Variants in UBE2G2 observed in about 807,000 individuals in gnomAD.
UBE2G2 encodes ubiquitin conjugating enzyme E2 G2.
A neutral mutation model predicts 23.0 loss-of-function variants in UBE2G2; 10 were observed. The ratio of observed to expected loss-of-function variants is 0.43; its 90% CI spans 0.27 to 0.74. UBE2G2 has a LOEUF of 0.74. Ranked by LOEUF, UBE2G2 falls within the 30% of genes least tolerant of loss-of-function variation. UBE2G2 has a pLI of 0.19. For synonymous variants in UBE2G2, 86 were observed against 81.3 expected (o/e 1.06, Z -0.31); for missense variants, 150 against 218.3 (o/e 0.69, Z 1.97).
intron 4 of UBE2G2, 175 bp from the exon 5 acceptor site, chr21:44,773,862 C>G (rs782175571): frequency 2.1e-4 from 177 of 837,448 alleles, no homozygotes; most frequent in Non-Finnish European, 3.0e-4. Flanking sequence ...CTGCAGGAAT[C>G]CCGGTGGGGC....
intron 1 of UBE2G2, chr21:44,800,099 G>GT (rs2146411072): frequency 6.6e-6 from 1 of 152,340 alleles, no homozygotes; most frequent in African/African-American, 2.4e-5. Flanking sequence ...ATAGATCACA[G>GT]TAATAGATTA....
At chr21:44,795,371 G>T (rs2083078818) in intron 1 of UBE2G2, among the ~76,000 whole-genome samples, 1 of 152,184 alleles carries the variant, frequency 6.6e-6, no homozygotes, top group South Asian at 2.1e-4. Flanking sequence ...GTGGCTCGCA[G>T]TTGTAATTCC....
At chr21:44,797,152 C>T (rs1555963946) in intron 1 of UBE2G2, among the ~76,000 whole-genome samples, 1 of 152,168 alleles carries the variant, frequency 6.6e-6, no homozygotes, top group East Asian at 1.9e-4. Context: ...TACACATAGT[C>T]CAAAATTTCA....
chr21:44,799,813 T>C (rs1348399340), intron 1 of UBE2G2, among the ~76,000 whole-genome samples: 4 of 152,260 alleles, frequency 2.6e-5, no homozygotes, highest in African/African-American at 9.6e-5. Context: ...ATCTTGACTT[T>C]CAACATTCCT....
chr21:44,794,896 T>C (rs1250528470), intron 1 of UBE2G2, among the ~76,000 whole-genome samples: 1 of 152,154 alleles, frequency 6.6e-6, no homozygotes, highest in Non-Finnish European at 1.5e-5. Flanking sequence ...AGTCACTTTA[T>C]CTAAAAAGAC....
At chr21:44,791,002 C>G (rs2083038737) in intron 1 of UBE2G2, among the ~76,000 whole-genome samples, 1 of 152,056 alleles carries the variant, frequency 6.6e-6, no homozygotes, top group African/African-American at 2.4e-5. Context: ...CTGAGGTGGT[C>G]TGAAAAAGAG....
chr21:44,772,684 GAGC>G lies in UBE2G2; in HGVS notation c.385+860_385+862del, dbSNP rs1251048534. On this transcript the variant is annotated intron_variant, in intron 5 of 5. Transcript: ENST00000345496. The surrounding 1 kb of genome is among the most constrained non-coding windows in gnomAD (Gnocchi z 5.4). Reference sequence around the variant, plus strand: ...CAAATCCTGCTGTCTCCTGAACCCAGAGCAGCACCTCTGGTAGACAAAGAACCA... The same window carrying G: ...CAAATCCTGCTGTCTCCTGAACCCAGAGCACCTCTGGTAGACAAAGAACCA... Among the ~76,000 whole-genome samples, 79 of 152,096 alleles carry G rather than the reference GAGC, an allele frequency of 5.2e-4. No individual in the cohort carries two copies. Among genetic ancestry groups the G allele is most frequent in the African/African-American group, 1.9e-3 (77 of 41,460 alleles).
rs2082876437 is a variant in UBE2G2 at position 44,771,704 on chromosome 21, T to C, written c.386-215A>G. Among the ~76,000 whole-genome samples, 1 of 152,046 alleles carries C rather than the reference T, an allele frequency of 6.6e-6. No individual in the cohort carries two copies. The highest frequency in any genetic ancestry group is 2.1e-4 in the South Asian group (1 of 4,824). On this transcript the variant is annotated intron_variant, in intron 5 of 5. Coordinates refer to ENST00000345496, the MANE Select transcript of UBE2G2 (RefSeq NM_003343.6). This position sits in a 1 kb window ranked among gnomAD's most constrained non-coding sequence, Gnocchi z 4.6. ...ACTCTCATGACTCCTGCGTTCTGAG[T>C]GTCTGAAGACACCAGGACAAGTTGT...
intron 1 of UBE2G2, among the ~76,000 whole-genome samples, chr21:44,788,525 G>A (rs565825620): frequency 1.3e-5 from 2 of 152,000 alleles, no homozygotes; most frequent in East Asian, 3.9e-4. Flanking sequence ...TCCTGACCTC[G>A]TGATCCGCCA....
intron 1 of UBE2G2, among the ~76,000 whole-genome samples, chr21:44,788,479 C>T (rs112173156): frequency 0.082 from 12,410 of 151,786 alleles, 599 homozygotes; most frequent in South Asian, 0.1. Context: ...TTAGTAGAGA[C>T]GGGGTTTCAC....
chr21:44,778,857 C>T (rs1031626821), intron 3 of UBE2G2, among the ~76,000 whole-genome samples: 9 of 152,214 alleles, frequency 5.9e-5, no homozygotes, highest in African/African-American at 1.7e-4. Flanking sequence ...AAAGAACAGT[C>T]GTGCAGGGGC....
intron 3 of UBE2G2, among the ~76,000 whole-genome samples, chr21:44,782,234 C>T (rs1341040615): frequency 1.3e-5 from 2 of 152,210 alleles, no homozygotes; most frequent in Non-Finnish European, 2.9e-5. Context: ...TATAAATTCA[C>T]ATACTCTAAT....
At chr21:44,778,332 A>G (rs2082929063) in intron 3 of UBE2G2, among the ~76,000 whole-genome samples, 1 of 152,228 alleles carries the variant, frequency 6.6e-6, no homozygotes, top group Admixed American at 6.5e-5. Context: ...CTGCAGGCCC[A>G]TGTGCTGTGC....
rs535653786 is a variant in UBE2G2 at position 44,794,968 on chromosome 21, A to T, written c.43+6738T>A. On this transcript the variant is annotated intron_variant, in intron 1 of 5. Transcript: ENST00000345496. ...ACATCACGAGTCTTATGGAAATGCA[A>T]ATGAAAACCTCAGTAAGGGCCGGGG... Among the ~76,000 whole-genome samples, 92 of 152,306 alleles carry T rather than the reference A, an allele frequency of 6.0e-4. 1 individual carries two copies. Among genetic ancestry groups the T allele is most frequent in the African/African-American group, 1.9e-3 (81 of 41,556 alleles).
intron 1 of UBE2G2, among the ~76,000 whole-genome samples, chr21:44,791,859 G>A (rs1252240287): frequency 2.0e-5 from 3 of 152,168 alleles, no homozygotes; most frequent in African/African-American, 4.8e-5. Flanking sequence ...TGAAGGGGGT[G>A]GGTGTGGGAG....
At chr21:44,790,457 C>T (rs1555962798) in intron 1 of UBE2G2, among the ~76,000 whole-genome samples, 1 of 152,172 alleles carries the variant, frequency 6.6e-6, no homozygotes, top group African/African-American at 2.4e-5. Flanking sequence ...CTTTGTGTCC[C>T]CACACAAATT....
chr21:44,796,321 T>G (rs2083088585), intron 1 of UBE2G2, among the ~76,000 whole-genome samples: 1 of 152,212 alleles, frequency 6.6e-6, no homozygotes, highest in African/African-American at 2.4e-5. Context: ...AACAGAATCA[T>G]AGCCAAGGTC....
intron 1 of UBE2G2, among the ~76,000 whole-genome samples, chr21:44,798,672 C>T (rs1348506670): frequency 6.6e-6 from 1 of 152,244 alleles, no homozygotes; most frequent in African/African-American, 2.4e-5. Flanking sequence ...GTGACATCTT[C>T]AGGCTCCACC....
intron 1 of UBE2G2, among the ~76,000 whole-genome samples, chr21:44,791,386 C>T (rs1171239954): frequency 2.0e-5 from 3 of 152,142 alleles, no homozygotes; most frequent in African/African-American, 4.8e-5. Context: ...GGCCCAGCCC[C>T]GCTGCTACTC....
Sources: gnomAD v4.1 joint callset for allele counts (sites outside exome capture counted in the v4.1 genomes callset) on GRCh38, gnomAD v4.1.1 for gene constraint, Gnocchi (gnomAD v3.1) non-coding constraint, MANE v1.5 for transcripts, NCBI Gene and HGNC (gene_info 2026-07-23, HGNC 2026-07-21) for gene names.